Variants in SGMS2 observed in about 807,000 individuals in gnomAD.
SGMS2 encodes phosphatidylcholine:ceramide cholinephosphotransferase 2.
In SGMS2, 21 loss-of-function variants were observed where a neutral mutation model predicts 43.8. That is an observed-to-expected ratio of 0.48 (90% confidence interval 0.34 to 0.69). The LOEUF (loss-of-function observed/expected upper bound fraction) is 0.69, where lower values mean the gene tolerates loss of function less well. Ranked by LOEUF, SGMS2 falls within the 30% of genes least tolerant of loss-of-function variation. The probability of loss-of-function intolerance (pLI) is 0.01; values close to 1 mark genes in which losing one functional copy is unlikely to be tolerated. For synonymous variants in SGMS2, 167 were observed against 160.6 expected, an observed-to-expected ratio of 1.04 and a Z score of -0.30; for missense variants, 384 against 443.2, an observed-to-expected ratio of 0.87 and a Z score of 1.20.
intron 1 of SGMS2, among the ~76,000 whole-genome samples, chr4:107,856,599 G>A (rs531093382): frequency 1.3e-5 from 2 of 152,172 alleles, no homozygotes; most frequent in Non-Finnish European, 2.9e-5. Context: ...AGGTGGAGTC[G>A]AGAGAGGGTG....
At chr4:107,867,334 A>G in intron 2 of SGMS2, 1 of 152,312 alleles carries the variant, frequency 6.6e-6, no homozygotes, top group Non-Finnish European at 1.5e-5. Context: ...TACATTTATA[A>G]ATGAAATGCC....
intron 1 of SGMS2, among the ~76,000 whole-genome samples, chr4:107,832,950 C>T (rs1725972139): frequency 6.6e-6 from 1 of 152,178 alleles, no homozygotes; most frequent in South Asian, 2.1e-4. Context: ...TTTGCTTTAT[C>T]CTGGGAGGCT....
At chr4:107,875,319 G>A (rs1578582132) in intron 2 of SGMS2, among the ~76,000 whole-genome samples, 1 of 152,166 alleles carries the variant, frequency 6.6e-6, no homozygotes, top group Non-Finnish European at 1.5e-5. Context: ...GGAATACTAT[G>A]CAGCCATAAA....
chr4:107,898,698 G>A (rs1730875648), intron 3 of SGMS2, among the ~76,000 whole-genome samples: 2 of 152,114 alleles, frequency 1.3e-5, no homozygotes, highest in South Asian at 4.1e-4. Flanking sequence ...TGCCCATTCA[G>A]ATACCCATGA....
chr4:107,825,626 T>TTTG (rs1224671888), intron 1 of SGMS2, among the ~76,000 whole-genome samples: 14 of 130,816 alleles, frequency 1.1e-4, no homozygotes, highest in African/African-American at 3.5e-4. Flanking sequence ...TTCTCTTTTT[T>TTTG]TTTTTTTTTT....
At chr4:107,836,433 C>T (rs1726178025) in intron 1 of SGMS2, among the ~76,000 whole-genome samples, 1 of 152,204 alleles carries the variant, frequency 6.6e-6, no homozygotes, top group Non-Finnish European at 1.5e-5. Context: ...AGTGAAGCTT[C>T]TCTCTGAGGT....
At chr4:107,870,892 TATAG>T (rs776691893) in intron 2 of SGMS2, among the ~76,000 whole-genome samples, 34 of 152,188 alleles carry the variant, frequency 2.2e-4, no homozygotes, top group Non-Finnish European at 4.3e-4. Flanking sequence ...CTTTTATTTA[TATAG>T]AGTCATCAAT....
At chr4:107,828,122 T>C (rs1034886229) in intron 1 of SGMS2, among the ~76,000 whole-genome samples, 2 of 152,212 alleles carry the variant, frequency 1.3e-5, no homozygotes, top group Non-Finnish European at 2.9e-5. Context: ...GTGTTACTTA[T>C]GGAAATTTAT....
intron 2 of SGMS2, among the ~76,000 whole-genome samples, chr4:107,861,008 T>C (rs1727702768): frequency 6.6e-6 from 1 of 152,248 alleles, no homozygotes; most frequent in South Asian, 2.1e-4. Flanking sequence ...GATAATGATT[T>C]GTTTGTTTCT....
At chr4:107,898,490 A>C in intron 3 of SGMS2, among the ~76,000 whole-genome samples, 1 of 148,874 alleles carries the variant, frequency 6.7e-6, no homozygotes, top group Admixed American at 6.9e-5. Context: ...CCAGTCTTGA[A>C]AGCTTGAGAC....
At chr4:107,854,982 T>C (rs921500444) in intron 1 of SGMS2, among the ~76,000 whole-genome samples, 1 of 152,176 alleles carries the variant, frequency 6.6e-6, no homozygotes, top group African/African-American at 2.4e-5. Context: ...TGGAGATATA[T>C]GCATTTTCTC....
intron 2 of SGMS2, among the ~76,000 whole-genome samples, chr4:107,873,822 G>A (rs908542147): frequency 6.6e-6 from 1 of 152,036 alleles, no homozygotes; most frequent in African/African-American, 2.4e-5. Context: ...CAAATACTCA[G>A]GATTTTAATG....
intron 1 of SGMS2, among the ~76,000 whole-genome samples, chr4:107,843,398 G>T (rs1255389948): frequency 6.6e-6 from 1 of 152,168 alleles, no homozygotes. Context: ...ATTATTAAAT[G>T]TTTATAAAGC....
chr4:107,851,898 A>G (rs1440846775), intron 1 of SGMS2, among the ~76,000 whole-genome samples: 2 of 152,110 alleles, frequency 1.3e-5, no homozygotes, highest in African/African-American at 2.4e-5. Context: ...CCTCTTTGCT[A>G]CTTGGTGGTA....
intron 1 of SGMS2, among the ~76,000 whole-genome samples, chr4:107,856,931 A>G (rs574678692): frequency 2.6e-5 from 4 of 152,198 alleles, no homozygotes; most frequent in Non-Finnish European, 5.9e-5. Context: ...TTTTTGGTGT[A>G]TTCAGAGTTG....
At chr4:107,904,814 A>G (rs1265804589) in intron 5 of SGMS2, among the ~76,000 whole-genome samples, 1 of 152,090 alleles carries the variant, frequency 6.6e-6, no homozygotes, top group African/African-American at 2.4e-5. Context: ...GGAAGGATAT[A>G]TGTTGCTTTG....
At chr4:107,889,830 T>G (rs968454207) in intron 2 of SGMS2, among the ~76,000 whole-genome samples, 1 of 152,122 alleles carries the variant, frequency 6.6e-6, no homozygotes, top group African/African-American at 2.4e-5. Context: ...AGAGGGAGAT[T>G]AAAGATGGAT....
chr4:107,860,298 A>G (rs868514633), intron 2 of SGMS2, among the ~76,000 whole-genome samples: 1 of 152,158 alleles, frequency 6.6e-6, no homozygotes, highest in Admixed American at 6.5e-5. Context: ...AGAATAACAG[A>G]GTCCATTTAT....
chr4:107,864,010 A>G (rs1390415176), intron 2 of SGMS2: 3 of 152,310 alleles, frequency 2.0e-5, no homozygotes, highest in Non-Finnish European at 4.4e-5. Flanking sequence ...CAACACAAAC[A>G]GGACATGGAC....
Sources: allele counts gnomAD v4.1 joint callset (sites outside exome capture counted in the v4.1 genomes callset), GRCh38; gene constraint gnomAD v4.1.1; transcripts MANE v1.5; gene names NCBI Gene and HGNC (gene_info 2026-07-23, HGNC 2026-07-21).